Variants in FIG4 observed in about 807,000 individuals in gnomAD.
FIG4 encodes the protein polyphosphoinositide phosphatase.
FIG4 carries 112 observed loss-of-function variants against 118.6 expected under a neutral mutation model. That is an observed-to-expected ratio of 0.94 (90% CI 0.81 to 1.11). The LOEUF (loss-of-function observed/expected upper bound fraction) is 1.11, where lower values mean the gene tolerates loss of function less well. FIG4 is among the 50% of genes least tolerant of loss of function. The pLI is 0.00. For synonymous variants in FIG4, 369 were observed against 381.2 expected, an observed-to-expected ratio of 0.97 and a Z score of 0.37; for missense variants, 969 against 1,111.7, an observed-to-expected ratio of 0.87 and a Z score of 1.83.
intron 22 of FIG4, among the ~76,000 whole-genome samples, chr6:109,801,566 A>G (rs1301660980): frequency 5.3e-5 from 8 of 152,128 alleles, no homozygotes; most frequent in Non-Finnish European, 1.2e-4. Context: ...AATAATAATA[A>G]GTGCGCTTAC....
intron 1 of FIG4, among the ~76,000 whole-genome samples, chr6:109,708,001 T>TA (rs1775141689): frequency 6.6e-6 from 1 of 151,896 alleles, no homozygotes; most frequent in Non-Finnish European, 1.5e-5. Context: ...TCTTTTTTTT[T>TA]TTTTTACTTT....
intron 1 of FIG4, among the ~76,000 whole-genome samples, chr6:109,697,239 G>T (rs1009326212): frequency 3.3e-5 from 5 of 149,482 alleles, no homozygotes; most frequent in Admixed American, 2.7e-4. Flanking sequence ...TCCAGCCTGG[G>T]CGACAGAGTG....
Position 109,793,599 on chromosome 6 carries a change from C to T in FIG4, c.2459+935C>T, listed in dbSNP as rs537670580. On this transcript the variant is annotated intron_variant, in intron 21 of 22. Transcript: ENST00000230124. Reference sequence around the variant, plus strand: ...ATGGATTTAGAAGACTTGATTATTGCATATGAATACAGTTCCACTTATACA... The same window carrying T: ...ATGGATTTAGAAGACTTGATTATTGTATATGAATACAGTTCCACTTATACA... 7.9e-5 allele frequency among the ~76,000 whole-genome samples: 12 copies of T among 152,242 alleles called. No individual in the cohort carries two copies. The East Asian group carries it at 2.3e-3, about 29-fold the overall frequency.
chr6:109,716,950 T>C (rs986225073), intron 3 of FIG4, among the ~76,000 whole-genome samples: 2 of 152,016 alleles, frequency 1.3e-5, no homozygotes, highest in African/African-American at 4.8e-5. Context: ...TAATAGGAAT[T>C]TCTCCTAAGG....
At chr6:109,700,480 T>C (rs1342226213) in intron 1 of FIG4, among the ~76,000 whole-genome samples, 1 of 152,214 alleles carries the variant, frequency 6.6e-6, no homozygotes, top group Non-Finnish European at 1.5e-5. Context: ...TGAAAATAGA[T>C]TCCCTTTTTC....
chr6:109,802,324 A>G (rs968337427), intron 22 of FIG4, among the ~76,000 whole-genome samples: 5 of 152,114 alleles, frequency 3.3e-5, no homozygotes, highest in African/African-American at 1.2e-4. Context: ...TATAGCTCTA[A>G]AAAAATACAG....
At chr6:109,764,193 C>T (rs1403720204) in intron 13 of FIG4, among the ~76,000 whole-genome samples, 1 of 152,072 alleles carries the variant, frequency 6.6e-6, no homozygotes, top group Non-Finnish European at 1.5e-5. Context: ...AATCCCAACA[C>T]TTTGGGAGGC....
chr6:109,778,162 C>G (rs545248968), intron 16 of FIG4, among the ~76,000 whole-genome samples: 4 of 151,934 alleles, frequency 2.6e-5, no homozygotes, highest in Non-Finnish European at 5.9e-5. Context: ...CCTAATTTTG[C>G]GCAAAGATAC....
chr6:109,815,862 TG>T lies in FIG4; in HGVS notation c.2547-9217del, dbSNP rs759753439. On this transcript the variant is annotated intron_variant, in intron 22 of 22. Coordinates refer to ENST00000230124, the MANE Select transcript of FIG4 (RefSeq NM_014845.6). Reference sequence around the variant, plus strand: ...GTGTTCCTAGAGCATGTTTAGATTATGGGGGGGGGCACTCAGTTTTCATTTT... The same window carrying T: ...GTGTTCCTAGAGCATGTTTAGATTATGGGGGGGGCACTCAGTTTTCATTTT... Among the ~76,000 whole-genome samples, 262 of 150,214 alleles carry T rather than the reference TG, an allele frequency of 1.7e-3. 1 individual carries two copies. The highest frequency in any genetic ancestry group is 5.4e-3 in the African/African-American group (220 of 40,932).
intron 15 of FIG4, among the ~76,000 whole-genome samples, chr6:109,774,048 G>A (rs1777545561): frequency 6.6e-6 from 1 of 152,084 alleles, no homozygotes. Flanking sequence ...GTGAGCTCAA[G>A]CGATCTGCCT....
In FIG4 at chr6:109,797,571, C is replaced by G. The variant is rs142702312; in HGVS notation, c.2546+720C>G. On this transcript the variant is annotated intron_variant, in intron 22 of 22. Transcript: ENST00000230124. ...TGTGACCAGAAGAGGCTCCCTGATGCCGTATGCTCAGTTGAGTTGCTTCCA... is the reference window on the plus strand; with the variant it reads ...TGTGACCAGAAGAGGCTCCCTGATGGCGTATGCTCAGTTGAGTTGCTTCCA... 3.8e-3 allele frequency among the ~76,000 whole-genome samples: 574 copies of G among 152,182 alleles called. 1 individual carries two copies. Among genetic ancestry groups the G allele is most frequent in the African/African-American group, 0.013 (549 of 41,522 alleles).
intron 22 of FIG4, among the ~76,000 whole-genome samples, chr6:109,824,654 G>A (rs896892820): frequency 2.6e-5 from 4 of 152,178 alleles, no homozygotes; most frequent in Non-Finnish European, 5.9e-5. Context: ...ACAACTATGT[G>A]AGGTAGGCAT....
At chr6:109,760,637 A>T (rs574871360) in intron 11 of FIG4, among the ~76,000 whole-genome samples, 1 of 152,282 alleles carries the variant, frequency 6.6e-6, no homozygotes, top group South Asian at 2.1e-4. Context: ...CCTTAAAGGC[A>T]TTAGTTTTGC....
At chr6:109,777,119 A>T (rs564117095) in intron 16 of FIG4, 59 bp downstream of exon 16, 1 of 1,461,178 alleles carries the variant, frequency 6.8e-7, no homozygotes, top group Non-Finnish European at 9.5e-7. Context: ...TGAATATGAG[A>T]TACTTTTCAT....
intron 15 of FIG4, among the ~76,000 whole-genome samples, chr6:109,774,489 G>A (rs1237739828): frequency 6.6e-6 from 1 of 151,850 alleles, no homozygotes; most frequent in Non-Finnish European, 1.5e-5. Context: ...AGGTCAGAGG[G>A]TAAAAATAAT....
At chr6:109,801,649 G>A (rs114592396) in intron 22 of FIG4, among the ~76,000 whole-genome samples, 1,956 of 152,300 alleles carry the variant, frequency 0.013, 48 homozygotes, top group African/African-American at 0.045. Context: ...TCAAGACTGG[G>A]TGAATGCCCC....
intron 22 of FIG4, among the ~76,000 whole-genome samples, chr6:109,808,880 G>C (rs1398119998): frequency 6.6e-6 from 1 of 151,956 alleles, no homozygotes; most frequent in Non-Finnish European, 1.5e-5. Flanking sequence ...TAACAAATGT[G>C]ATTTTTTTGA....
chr6:109,760,435 G>A (rs755431630), intron 11 of FIG4, 52 bp downstream of exon 11: 2 of 1,497,774 alleles, frequency 1.3e-6, no homozygotes, highest in South Asian at 1.1e-5. Flanking sequence ...CTTGTGATGA[G>A]AAATAACAGG....
At chr6:109,792,108 T>C (rs1778152394) in intron 20 of FIG4, among the ~76,000 whole-genome samples, 1 of 152,262 alleles carries the variant, frequency 6.6e-6, no homozygotes, top group Non-Finnish European at 1.5e-5. Flanking sequence ...AAATCCATGT[T>C]CCAGAAGTTG....
Sources: gnomAD v4.1 joint callset for allele counts (sites outside exome capture counted in the v4.1 genomes callset) on GRCh38, gnomAD v4.1.1 for gene constraint, MANE v1.5 for transcripts, NCBI Gene and HGNC (gene_info 2026-07-23, HGNC 2026-07-21) for gene names.